PVT1: variants seen among roughly 807,000 people sequenced by gnomAD.
The protein encoded by PVT1 is CXCR4/PVT1 fusion.
At chr8:127,805,140 G>T (rs1010527463) in intron 2 of PVT1, among the ~76,000 whole-genome samples, 1 of 151,740 alleles carries the variant, frequency 6.6e-6, no homozygotes, top group Non-Finnish European at 1.5e-5. Flanking sequence ...ACGTTGGTCA[G>T]GCTGGTCTCG....
At chr8:128,051,883 T>A (rs1212694170) in intron 4 of PVT1, among the ~76,000 whole-genome samples, 1 of 152,248 alleles carries the variant, frequency 6.6e-6, no homozygotes, top group African/African-American at 2.4e-5. Context: ...TTGAGTTTCT[T>A]CAAGACAATT....
At chr8:127,915,612 CAAAAAAAAAAAAA>C (rs61238663) in intron 3 of PVT1, among the ~76,000 whole-genome samples, 2 of 64,506 alleles carry the variant, frequency 3.1e-5, no homozygotes, top group African/African-American at 1.1e-4. Flanking sequence ...AACTCCATCT[CAAAAAAAAAAAAA>C]AAAAAAAAAA....
intron 2 of PVT1, among the ~76,000 whole-genome samples, chr8:127,819,947 C>T (rs755019038): frequency 1.3e-5 from 2 of 152,142 alleles, no homozygotes; most frequent in African/African-American, 2.4e-5. Flanking sequence ...AAGGATCATC[C>T]GCATTCTTTC....
intron 3 of PVT1, among the ~76,000 whole-genome samples, chr8:127,950,562 A>C (rs977933140): frequency 6.6e-6 from 1 of 152,158 alleles, no homozygotes; most frequent in Non-Finnish European, 1.5e-5. Context: ...CCAGGCTCAG[A>C]TGGAATTTGC....
intron 2 of PVT1, among the ~76,000 whole-genome samples, chr8:127,832,319 G>A (rs1814859131): frequency 6.6e-6 from 1 of 152,144 alleles, no homozygotes; most frequent in South Asian, 2.1e-4. Context: ...CCCATGGCAG[G>A]CATCACTAGC....
chr8:127,932,192 G>A (rs1039437521), intron 3 of PVT1, among the ~76,000 whole-genome samples: 2 of 152,186 alleles, frequency 1.3e-5, no homozygotes, highest in African/African-American at 2.4e-5. Flanking sequence ...GCCAGCACTC[G>A]AGGCAGGTGA....
chr8:128,027,327 G>T (rs1215936382), intron 4 of PVT1, among the ~76,000 whole-genome samples: 1 of 152,210 alleles, frequency 6.6e-6, no homozygotes, highest in Non-Finnish European at 1.5e-5. Flanking sequence ...CACTGTTTGA[G>T]GTCCCTGGAG....
intron 2 of PVT1, among the ~76,000 whole-genome samples, chr8:127,849,744 ATG>A (rs1204388063): frequency 7.5e-4 from 86 of 114,430 alleles, no homozygotes; most frequent in Middle Eastern, 5.3e-3. Flanking sequence ...GCCTGTACAT[ATG>A]TGTGTGTGTG....
intron 3 of PVT1, among the ~76,000 whole-genome samples, chr8:127,945,560 C>G (rs1816410265): frequency 6.6e-6 from 1 of 152,208 alleles, no homozygotes; most frequent in South Asian, 2.1e-4. Context: ...ATGCTGAAGG[C>G]CCTCCAAAGG....
At chr8:127,843,405 T>G (rs1193252847) in intron 2 of PVT1, among the ~76,000 whole-genome samples, 3 of 152,118 alleles carry the variant, frequency 2.0e-5, no homozygotes, top group Non-Finnish European at 4.4e-5. Context: ...CTTGCCAAGT[T>G]TTTGTAAATC....
intron 5 of PVT1, among the ~76,000 whole-genome samples, chr8:128,072,273 C>T (rs1314937543): frequency 6.6e-6 from 1 of 152,156 alleles, no homozygotes. Flanking sequence ...ATTCTTCTAA[C>T]ACATGACTGG....
intron 3 of PVT1, among the ~76,000 whole-genome samples, chr8:127,917,257 TTG>T (rs990587524): frequency 2.0e-5 from 3 of 152,192 alleles, no homozygotes; most frequent in African/African-American, 7.2e-5. Context: ...GGACCAGGCC[TTG>T]TGTTAAGTCC....
At chr8:127,814,427 G>A (rs1475286572) in intron 2 of PVT1, among the ~76,000 whole-genome samples, 1 of 152,190 alleles carries the variant, frequency 6.6e-6, no homozygotes. Context: ...GAGGGGCTGA[G>A]TTGTGTCTTA....
chr8:127,958,923 A>T (rs1816603798), intron 3 of PVT1, among the ~76,000 whole-genome samples: 1 of 152,046 alleles, frequency 6.6e-6, no homozygotes, highest in South Asian at 2.1e-4. Context: ...AGTGGATACT[A>T]TCGAAGGGGA....
At chr8:127,912,138 G>A (rs1815905964) in intron 3 of PVT1, among the ~76,000 whole-genome samples, 1 of 152,146 alleles carries the variant, frequency 6.6e-6, no homozygotes, top group African/African-American at 2.4e-5. Flanking sequence ...CTGTGATCCT[G>A]CAGTTTGAAC....
chr8:127,852,484 A>C (rs1815115956), intron 2 of PVT1: 1 of 152,266 alleles, frequency 6.6e-6, no homozygotes, highest in Non-Finnish European at 1.5e-5. Context: ...TGGGGTTTGA[A>C]TCCACCTGTG....
chr8:128,097,913 T>A (rs987732478), intron 6 of PVT1, among the ~76,000 whole-genome samples: 5 of 152,052 alleles, frequency 3.3e-5, no homozygotes, highest in African/African-American at 1.2e-4. Context: ...CCCAGCCAGC[T>A]CCTACTCAGA....
intron 3 of PVT1, among the ~76,000 whole-genome samples, chr8:127,896,555 A>G (rs1265544965): frequency 6.6e-6 from 1 of 152,046 alleles, no homozygotes; most frequent in Non-Finnish European, 1.5e-5. Context: ...CTGCTGTGTG[A>G]TCTTGCTCAA....
rs916059312 is a variant in PVT1, at chr8:127,904,978, T to C, written n.782+13980T>C. ...GCAGGACTAAGGTTCAGGCTTCGTATTGACTTCCATGACCAAGCATCCTGG... is the reference window on the plus strand; with the variant it reads ...GCAGGACTAAGGTTCAGGCTTCGTACTGACTTCCATGACCAAGCATCCTGG... On this transcript the variant is annotated intron_variant and non_coding_transcript_variant, in intron 3 of 10. Transcript: ENST00000651587. 3.3e-5 allele frequency among the ~76,000 whole-genome samples: 5 copies of C among 152,236 alleles called. No homozygotes were observed. In the East Asian group the frequency reaches 5.8e-4, roughly 18 times the overall value.
Sources: gnomAD v4.1 joint callset for allele counts (sites outside exome capture counted in the v4.1 genomes callset) on GRCh38, gnomAD v4.1.1 for gene constraint, MANE v1.5 for transcripts, NCBI Gene and HGNC (gene_info 2026-07-23, HGNC 2026-07-21) for gene names.